Variants in FHIT observed in about 807,000 individuals in gnomAD.
The protein encoded by FHIT is bis(5'-adenosyl)-triphosphatase.
A neutral mutation model predicts 17.9 loss-of-function variants in FHIT; 19 were observed. The observed-to-expected ratio is 1.06, with a 90% CI of 0.74 to 1.56. The LOEUF is 1.56. Ranked by LOEUF, FHIT falls within the 40% of genes most tolerant of loss-of-function variation. The probability of loss-of-function intolerance (pLI) is 0.00; values close to 1 mark genes in which losing one functional copy is unlikely to be tolerated. For missense variants in FHIT, 248 were observed against 189.2 expected, an observed-to-expected ratio of 1.31 and a Z score of -1.82; for synonymous variants, 81 against 69.7, an observed-to-expected ratio of 1.16 and a Z score of -0.81.
intron 8 of FHIT, among the ~76,000 whole-genome samples, chr3:59,918,230 T>C (rs1294550787): frequency 6.6e-6 from 1 of 152,184 alleles, no homozygotes. Flanking sequence ...TTTTTTTAAA[T>C]GTGTTCATTC....
intron 5 of FHIT, among the ~76,000 whole-genome samples, chr3:60,207,057 A>G (rs1703228128): frequency 6.6e-6 from 1 of 152,156 alleles, no homozygotes; most frequent in Non-Finnish European, 1.5e-5. Context: ...GGGATAAAGG[A>G]AAAACCATTT....
intron 2 of FHIT, among the ~76,000 whole-genome samples, chr3:61,130,906 T>C (rs555936609): frequency 6.6e-6 from 1 of 152,338 alleles, no homozygotes; most frequent in Admixed American, 6.5e-5. Context: ...ATTCTCATTA[T>C]TAAAATAAAA....
chr3:59,989,209 C>A (rs1242758145), intron 7 of FHIT, among the ~76,000 whole-genome samples: 1 of 152,064 alleles, frequency 6.6e-6, no homozygotes, highest in Non-Finnish European at 1.5e-5. Flanking sequence ...CCAGGCTCCT[C>A]TGCCCTCACT....
intron 4 of FHIT, among the ~76,000 whole-genome samples, chr3:60,618,591 C>G (rs1553676888): frequency 6.6e-6 from 1 of 152,170 alleles, no homozygotes; most frequent in Non-Finnish European, 1.5e-5. Context: ...ACTTTGAAAA[C>G]AAGTTCTACT....
intron 5 of FHIT, among the ~76,000 whole-genome samples, chr3:60,502,496 C>T (rs933913308): frequency 2.6e-5 from 4 of 152,138 alleles, no homozygotes; most frequent in African/African-American, 9.7e-5. Flanking sequence ...ACTTTTCTTG[C>T]GGGTTTAGGT....
intron 4 of FHIT, among the ~76,000 whole-genome samples, chr3:60,746,639 G>A (rs954952526): frequency 6.6e-6 from 1 of 152,190 alleles, no homozygotes; most frequent in Non-Finnish European, 1.5e-5. Flanking sequence ...GGGAATGTGA[G>A]GAAAGCACAA....
chr3:60,817,505 G>A lies in FHIT; in HGVS notation c.-18+4414C>T, dbSNP rs1052391930. 7.3e-5 allele frequency among the ~76,000 whole-genome samples: 11 copies of A among 151,718 alleles called. No individual in the cohort carries two copies. The East Asian group carries it at 7.7e-4, about 11-fold the overall frequency. On this transcript the variant is annotated intron_variant, in intron 4 of 9. Coordinates refer to ENST00000492590, the MANE Select transcript of FHIT (RefSeq NM_002012.4). ...ATATTTTTGCTACACATAGAATTCT[G>A]GATTAACAGTGTTTTGCTTTTTTTT...
intron 5 of FHIT, among the ~76,000 whole-genome samples, chr3:60,337,174 G>A (rs1212531066): frequency 6.6e-6 from 1 of 152,084 alleles, no homozygotes; most frequent in African/African-American, 2.4e-5. Context: ...GATAAATTAT[G>A]CTGCTCTACA....
chr3:60,773,528 G>GT (rs1186350261), intron 4 of FHIT, among the ~76,000 whole-genome samples: 32 of 151,988 alleles, frequency 2.1e-4, no homozygotes, highest in Admixed American at 1.6e-3. Context: ...CAGAATTTCT[G>GT]TTTTTTTTCT....
intron 8 of FHIT, among the ~76,000 whole-genome samples, chr3:59,798,913 T>A (rs183670945): frequency 6.6e-6 from 1 of 152,180 alleles, no homozygotes; most frequent in African/African-American, 2.4e-5. Context: ...TCAGTTGGCA[T>A]TGGACGTATT....
At chr3:60,263,587 C>A in intron 5 of FHIT, among the ~76,000 whole-genome samples, 1 of 151,864 alleles carries the variant, frequency 6.6e-6, no homozygotes, top group African/African-American at 2.4e-5. Context: ...CTACATGATT[C>A]CATTTATACA....
At chr3:60,287,921 C>A (rs1251195381) in intron 5 of FHIT, among the ~76,000 whole-genome samples, 1 of 14,982 alleles carries the variant, frequency 6.7e-5, no homozygotes, top group Non-Finnish European at 1.2e-4. Context: ...GACAAATTAA[C>A]CCCTAAAATT....
chr3:59,878,915 T>G (rs193217716), intron 8 of FHIT, among the ~76,000 whole-genome samples: 1 of 152,246 alleles, frequency 6.6e-6, no homozygotes, highest in African/African-American at 2.4e-5. Context: ...CTTGTTCATA[T>G]CTTATACTGT....
intron 4 of FHIT, among the ~76,000 whole-genome samples, chr3:60,577,343 C>T (rs1006438897): frequency 6.6e-6 from 1 of 152,042 alleles, no homozygotes; most frequent in African/African-American, 2.4e-5. Context: ...TAATTTAGCC[C>T]CTTACATTAG....
chr3:60,891,950 C>G (rs1366540224), intron 3 of FHIT, among the ~76,000 whole-genome samples: 6 of 152,152 alleles, frequency 3.9e-5, no homozygotes, highest in African/African-American at 1.2e-4. Context: ...GGCACCAAGA[C>G]TGGAAACCAA....
At chr3:59,936,310 G>C (rs1368243524) in intron 7 of FHIT, among the ~76,000 whole-genome samples, 1 of 152,086 alleles carries the variant, frequency 6.6e-6, no homozygotes, top group African/African-American at 2.4e-5. Context: ...TTAATTTGTA[G>C]AGTGATTCCC....
chr3:60,450,499 G>A (rs1438653860), intron 5 of FHIT, among the ~76,000 whole-genome samples: 1 of 152,082 alleles, frequency 6.6e-6, no homozygotes, highest in African/African-American at 2.4e-5. Flanking sequence ...AGAATAAACA[G>A]AAAAAGTCCA....
intron 8 of FHIT, among the ~76,000 whole-genome samples, chr3:59,870,533 C>A (rs1451966157): frequency 6.6e-6 from 1 of 152,158 alleles, no homozygotes; most frequent in African/African-American, 2.4e-5. Context: ...TGGGCTGGCT[C>A]CTTTTGGCAG....
chr3:60,066,586 T>G (rs1702515952), intron 5 of FHIT, among the ~76,000 whole-genome samples: 1 of 150,636 alleles, frequency 6.6e-6, no homozygotes, highest in Admixed American at 6.6e-5. Flanking sequence ...CACCTTGTAC[T>G]GTTCACTGAC....
Sources: gnomAD v4.1 joint callset for allele counts (sites outside exome capture counted in the v4.1 genomes callset) on GRCh38, gnomAD v4.1.1 for gene constraint, MANE v1.5 for transcripts, NCBI Gene and HGNC (gene_info 2026-07-23, HGNC 2026-07-21) for gene names.